Variants in ELL observed in about 807,000 individuals in gnomAD.
The protein encoded by ELL is RNA polymerase II elongation factor ELL.
A neutral mutation model predicts 64.0 loss-of-function variants in ELL; 18 were observed. That is an observed-to-expected ratio of 0.28 (90% CI 0.19 to 0.42). The LOEUF (loss-of-function observed/expected upper bound fraction) is 0.42. Among genes scored for constraint, ELL ranks in the 10% least tolerant of loss-of-function variants. ELL has a pLI of 1.00. For missense variants in ELL, 797 were observed against 870.4 expected, an observed-to-expected ratio of 0.92 and a Z score of 1.06; for synonymous variants, 399 against 376.2, an observed-to-expected ratio of 1.06 and a Z score of -0.70.
chr19:18,462,512 T>C (rs1974850746), intron 4 of ELL, among the ~76,000 whole-genome samples: 1 of 151,630 alleles, frequency 6.6e-6, no homozygotes, highest in South Asian at 2.1e-4. Flanking sequence ...GCCTCTGGAG[T>C]AGCTGGGACC....
In ELL at chr19:18,507,512, GGT is replaced by G. The variant is rs1975907674; in HGVS notation, c.135+14407_135+14408del. 2.0e-5 allele frequency among the ~76,000 whole-genome samples: 3 copies of G among 152,330 alleles called. No individual in the cohort carries two copies. The South Asian group carries it at 6.2e-4, about 32-fold the overall frequency. ...GGTCTCCTAGGTCTCCCCAGCCCAAGGTGAGCTTGCTTCTGTGGAGGGAGATG... is the reference window on the plus strand; with the variant it reads ...GGTCTCCTAGGTCTCCCCAGCCCAAGGAGCTTGCTTCTGTGGAGGGAGATG... On this transcript the variant is annotated intron_variant, in intron 1 of 11. Transcript: ENST00000262809.
In ELL at chr19:18,461,760, T is replaced by A. The variant is rs145318296; in HGVS notation, c.562A>T (p.Ile188Phe). 6.2e-7 allele frequency: 1 copy of A among 1,614,068 alleles called. No individual in the cohort carries two copies. The highest frequency in any genetic ancestry group is 8.5e-7 in the Non-Finnish European group (1 of 1,180,042). ...ACGGCACTGGCACCACTCTTCCTGATGGCACTCGCCAAGTTGATGGGGGTT... is the reference window on the plus strand; with the variant it reads ...ACGGCACTGGCACCACTCTTCCTGAAGGCACTCGCCAAGTTGATGGGGGTT... ...RATPINLASA[I>F]RKSGASAVSG... Residue 188 changes from isoleucine (I) to phenylalanine (F), a missense_variant, in exon 5 of 12, where the codon ATC becomes TTC. Transcript: ENST00000262809.
At position 18,444,478 on chromosome 19, in the gene ELL, G is replaced by C. The variant is rs1974366524; in HGVS notation, c.*274C>G. ...CAAGGGCCTAGGAGTCTTCTGGCGA[G>C]ACAGGAGGCTGAACCCCGGAGGCTG... On this transcript the variant is annotated 3_prime_UTR_variant, in exon 12 of 12. Transcript: ENST00000262809. 2 of 425,764 alleles carry C rather than the reference G, an allele frequency of 4.7e-6. No individual in the cohort carries two copies. Among genetic ancestry groups the C allele is most frequent in the Non-Finnish European group, 4.2e-6 (1 of 237,232 alleles). The allele number at this position is 425,764 out of a possible 1,614,324, so 26.4% of individuals were successfully genotyped here. A position where few individuals can be genotyped will look rare whatever the true frequency, so the allele number is the denominator to read the frequency against.
intron 7 of ELL, among the ~76,000 whole-genome samples, chr19:18,451,223 T>C (rs1974526638): frequency 6.6e-6 from 1 of 152,198 alleles, no homozygotes; most frequent in African/African-American, 2.4e-5. Context: ...CCCTGGGGAC[T>C]GGTCTAAAGC....
At chr19:18,451,473 AAG>A in intron 7 of ELL, 77 bp downstream of exon 7, 9 of 1,218,092 alleles carry the variant, frequency 7.4e-6, no homozygotes, top group Non-Finnish European at 9.7e-6. Flanking sequence ...GCTGGTGAGG[AAG>A]GTGACAAGGG....
intron 7 of ELL, 78 bp from the exon 8 acceptor site, chr19:18,451,053 G>GA: frequency 7.0e-7 from 1 of 1,430,848 alleles, no homozygotes; most frequent in South Asian, 1.7e-5. Flanking sequence ...GGCCTGGCTA[G>GA]AAAACCCAAC....
chr19:18,454,698 G>A lies in ELL; in HGVS notation c.870-3050C>T, dbSNP rs148282472. On this transcript the variant is annotated intron_variant, in intron 6 of 11. Transcript: ENST00000262809. ...TCTACTTAAAAATACAAAATTAGCC[G>A]GTCGTGGTGGCAGGCGCCTGTAATC... Among the ~76,000 whole-genome samples, 255 of 151,172 alleles carry A rather than the reference G, an allele frequency of 1.7e-3. 1 individual carries two copies. The highest frequency in any genetic ancestry group is 5.8e-3 in the African/African-American group (240 of 41,122).
intron 8 of ELL, among the ~76,000 whole-genome samples, chr19:18,448,084 C>T (rs1050137306): frequency 5.3e-5 from 8 of 150,296 alleles, no homozygotes; most frequent in East Asian, 3.9e-4. Flanking sequence ...CCACACCTGG[C>T]GAATTTTTTT....
intron 1 of ELL, among the ~76,000 whole-genome samples, chr19:18,474,624 T>C (rs2144932967): frequency 6.6e-6 from 1 of 152,372 alleles, no homozygotes; most frequent in African/African-American, 2.4e-5. Flanking sequence ...TCCCTTGTCC[T>C]GTTCCAAGAC....
chr19:18,475,626 G>A (rs1039660664), intron 1 of ELL, among the ~76,000 whole-genome samples: 3 of 152,170 alleles, frequency 2.0e-5, no homozygotes, highest in African/African-American at 7.2e-5. Flanking sequence ...ATCAAACAAT[G>A]GAATACAGAG....
At chr19:18,456,230 G>A (rs1034987022) in intron 6 of ELL, among the ~76,000 whole-genome samples, 4 of 152,220 alleles carry the variant, frequency 2.6e-5, no homozygotes, top group Non-Finnish European at 4.4e-5. Flanking sequence ...ACGGATAGAC[G>A]GATAAGGCAA....
At chr19:18,471,969 T>C (rs1229190247) in intron 2 of ELL, among the ~76,000 whole-genome samples, 1 of 145,366 alleles carries the variant, frequency 6.9e-6, no homozygotes, top group Non-Finnish European at 1.5e-5. Flanking sequence ...TTTCTTTTTC[T>C]TTTTTTTTTT....
At chr19:18,464,205 C>CA in intron 4 of ELL, among the ~76,000 whole-genome samples, 1 of 151,884 alleles carries the variant, frequency 6.6e-6, no homozygotes, top group Non-Finnish European at 1.5e-5. Context: ...TCTGTCTCTA[C>CA]AAAAAATCTA....
intron 1 of ELL, among the ~76,000 whole-genome samples, chr19:18,500,533 T>G (rs1975759489): frequency 6.6e-6 from 1 of 151,940 alleles, no homozygotes; most frequent in East Asian, 1.9e-4. Context: ...TCCCAGAGAG[T>G]CCATTCTCAC....
intron 4 of ELL, among the ~76,000 whole-genome samples, chr19:18,464,596 C>T (rs1188141734): frequency 1.3e-5 from 2 of 152,164 alleles, no homozygotes; most frequent in African/African-American, 2.4e-5. Flanking sequence ...AGGGAAATCA[C>T]GTGCTTTCTT....
intron 2 of ELL, among the ~76,000 whole-genome samples, chr19:18,471,794 G>A (rs927934099): frequency 6.6e-6 from 1 of 152,122 alleles, no homozygotes; most frequent in South Asian, 2.1e-4. Context: ...TTTTCTATAA[G>A]ATGGTCATTT....
chr19:18,446,640 T>A, intron 9 of ELL, 108 bp downstream of exon 9: 1 of 1,507,376 alleles, frequency 6.6e-7, no homozygotes, highest in South Asian at 1.2e-5. Flanking sequence ...GGAATTCACA[T>A]ACTCAGACTT....
intron 2 of ELL, among the ~76,000 whole-genome samples, chr19:18,468,191 C>G (rs1291844129): frequency 1.3e-5 from 2 of 149,946 alleles, no homozygotes; most frequent in Non-Finnish European, 3.0e-5. Flanking sequence ...AACCACAACC[C>G]ACACAAACAC....
chr19:18,513,881 A>G (rs549246015), intron 1 of ELL, among the ~76,000 whole-genome samples: 1 of 152,286 alleles, frequency 6.6e-6, no homozygotes, highest in South Asian at 2.1e-4. Flanking sequence ...CAGTGAGCCA[A>G]GATCACACCA....
Sources: gnomAD v4.1 joint callset for allele counts (sites outside exome capture counted in the v4.1 genomes callset) on GRCh38, gnomAD v4.1.1 for gene constraint, MANE v1.5 for transcripts, NCBI Gene and HGNC (gene_info 2026-07-23, HGNC 2026-07-21) for gene names.